CDH12: variants seen among roughly 807,000 people sequenced by gnomAD.
CDH12 encodes cadherin 12, also known as cadherin-12.
CDH12 carries 41 observed loss-of-function variants against 74.1 expected under a neutral mutation model. That is an observed-to-expected ratio of 0.55 (90% confidence interval 0.43 to 0.72). The LOEUF is 0.72. CDH12 is among the 30% of genes least tolerant of loss of function. The pLI is 0.00. For missense variants in CDH12, 945 were observed against 977.2 expected, an observed-to-expected ratio of 0.97 and a Z score of 0.44; for synonymous variants, 399 against 355.0, an observed-to-expected ratio of 1.12 and a Z score of -1.39.
intron 4 of CDH12, among the ~76,000 whole-genome samples, chr5:22,113,064 T>C (rs1744903216): frequency 6.6e-6 from 1 of 152,152 alleles, no homozygotes; most frequent in Non-Finnish European, 1.5e-5. Flanking sequence ...CAAAGGGGCC[T>C]GGGGAGTCAT....
intron 4 of CDH12, among the ~76,000 whole-genome samples, chr5:22,211,692 T>C (rs1425734823): frequency 6.6e-6 from 1 of 151,916 alleles, no homozygotes; most frequent in African/African-American, 2.4e-5. Context: ...CCTGGATAAT[T>C]GCCCTAAATG....
intron 1 of CDH12, among the ~76,000 whole-genome samples, chr5:22,805,321 T>A (rs1183490112): frequency 1.3e-5 from 2 of 152,072 alleles, no homozygotes; most frequent in Non-Finnish European, 2.9e-5. Context: ...GTGGCTGAAC[T>A]CCACCACCAG....
At chr5:22,253,249 G>A (rs2150388774) in intron 3 of CDH12, among the ~76,000 whole-genome samples, 1 of 151,978 alleles carries the variant, frequency 6.6e-6, no homozygotes, top group South Asian at 2.1e-4. Flanking sequence ...ATTATTTGAT[G>A]TTCAAGGTAC....
intron 5 of CDH12, among the ~76,000 whole-genome samples, chr5:22,009,847 G>A (rs1216685032): frequency 1.0e-4 from 15 of 149,716 alleles, no homozygotes; most frequent in Non-Finnish European, 1.5e-4. Context: ...GCGTGGTGGC[G>A]GTTGCCTGTA....
intron 4 of CDH12, among the ~76,000 whole-genome samples, chr5:22,190,477 T>A (rs970126195): frequency 6.6e-6 from 1 of 152,128 alleles, no homozygotes; most frequent in African/African-American, 2.4e-5. Context: ...ACCTATATTT[T>A]AAAATGAGTG....
chr5:22,173,062 C>A (rs1478432384), intron 4 of CDH12, among the ~76,000 whole-genome samples: 3 of 151,322 alleles, frequency 2.0e-5, no homozygotes, highest in Non-Finnish European at 4.4e-5. Flanking sequence ...ACAAAACAAA[C>A]TTTATCAAAC....
At chr5:22,832,993 T>G (rs1581045634) in intron 1 of CDH12, among the ~76,000 whole-genome samples, 1 of 152,196 alleles carries the variant, frequency 6.6e-6, no homozygotes, top group East Asian at 1.9e-4. Context: ...ATTCAAAATT[T>G]TCTCTTAAAA....
At chr5:21,808,356 A>ATTTT (rs1747553187) in intron 9 of CDH12, among the ~76,000 whole-genome samples, 1 of 151,694 alleles carries the variant, frequency 6.6e-6, no homozygotes, top group Non-Finnish European at 1.5e-5. Flanking sequence ...TATTACTTCA[A>ATTTT]TTTTTATAGT....
At chr5:22,585,393 C>T (rs1034269295) in intron 1 of CDH12, among the ~76,000 whole-genome samples, 8 of 152,098 alleles carry the variant, frequency 5.3e-5, no homozygotes, top group Admixed American at 1.3e-4. Flanking sequence ...TTTACCTATA[C>T]TGTTTGAGAT....
At chr5:22,817,856 G>T (rs1187741196) in intron 1 of CDH12, among the ~76,000 whole-genome samples, 1 of 152,090 alleles carries the variant, frequency 6.6e-6, no homozygotes, top group Admixed American at 6.6e-5. Flanking sequence ...GAATTGTAAA[G>T]TATAAATTTG....
intron 3 of CDH12, among the ~76,000 whole-genome samples, chr5:22,307,299 C>A (rs1366739682): frequency 1.3e-5 from 2 of 152,156 alleles, no homozygotes; most frequent in African/African-American, 4.8e-5. Flanking sequence ...CCAAAATTTA[C>A]TAAAAGAATT....
At position 21,781,722 on chromosome 5, in the gene CDH12, C is replaced by CT. The variant is rs1286921310; in HGVS notation, c.1393+1635dup. On this transcript the variant is annotated intron_variant, in intron 11 of 14. Coordinates refer to ENST00000382254, the MANE Select transcript of CDH12 (RefSeq NM_004061.5). ...CTAGGTGACAGAGTGAGACTATTAT[C>CT]TCAAAAAAAAAAAAAGTGGCAACCA... Among the ~76,000 whole-genome samples, 5 of 82,780 alleles carry CT rather than the reference C, an allele frequency of 6.0e-5. No homozygotes were observed. The East Asian group carries it at 1.5e-3, about 25-fold the overall frequency. The allele number at this position is 82,780 out of a possible 152,430, so 54.3% of individuals were successfully genotyped here.
chr5:22,159,552 T>C (rs1748207524), intron 4 of CDH12, among the ~76,000 whole-genome samples: 1 of 152,206 alleles, frequency 6.6e-6, no homozygotes, highest in South Asian at 2.1e-4. Flanking sequence ...CTGTTTGACT[T>C]AATCGCTGCT....
intron 1 of CDH12, among the ~76,000 whole-genome samples, chr5:22,718,492 A>G (rs2126985601): frequency 6.6e-6 from 1 of 152,344 alleles, no homozygotes; most frequent in East Asian, 1.9e-4. Flanking sequence ...AAGTAAAGGT[A>G]TTAGAAATAT....
intron 3 of CDH12, among the ~76,000 whole-genome samples, chr5:22,232,249 C>T (rs1752410063): frequency 1.3e-5 from 2 of 151,736 alleles, no homozygotes; most frequent in Admixed American, 6.6e-5. Context: ...GAAAACCCCT[C>T]CTAAAAATTT....
intron 4 of CDH12, among the ~76,000 whole-genome samples, chr5:22,186,004 G>A (rs972476547): frequency 6.6e-6 from 1 of 152,106 alleles, no homozygotes; most frequent in African/African-American, 2.4e-5. Context: ...AGAAATACTT[G>A]AGTCATTCAT....
chr5:22,752,634 A>C lies in CDH12; in HGVS notation c.-523+100424T>G, dbSNP rs4591708. On this transcript the variant is annotated intron_variant, in intron 1 of 14. Coordinates refer to ENST00000382254, the MANE Select transcript of CDH12 (RefSeq NM_004061.5). ...TCGCCCAGTCTGGAGTGCAGTGGCG[A>C]GATCTCCTCTCACTGCAAGCTCCGC... is the stretch of plus-strand genomic sequence containing the variant. Among the ~76,000 whole-genome samples the C allele has an allele frequency of 8.1e-4, 14 of 17,330 alleles. 4 individuals carry two copies. Among genetic ancestry groups the C allele is most frequent in the Admixed American group, 1.7e-3 (3 of 1,720 alleles). The allele number at this position is 17,330 out of a possible 152,430, so 11.4% of individuals were successfully genotyped here.
At chr5:22,023,074 A>T (rs1029864124) in intron 5 of CDH12, among the ~76,000 whole-genome samples, 1 of 152,154 alleles carries the variant, frequency 6.6e-6, no homozygotes, top group African/African-American at 2.4e-5. Flanking sequence ...TATTTACTGT[A>T]GCATCCAAAT....
intron 4 of CDH12, among the ~76,000 whole-genome samples, chr5:22,106,004 C>T (rs1386301051): frequency 2.0e-5 from 3 of 152,012 alleles, no homozygotes; most frequent in African/African-American, 2.4e-5. Context: ...GGTATATGTC[C>T]TATGATTGGT....
Sources: gnomAD v4.1 joint callset for allele counts (sites outside exome capture counted in the v4.1 genomes callset) on GRCh38, gnomAD v4.1.1 for gene constraint, MANE v1.5 for transcripts, NCBI Gene and HGNC (gene_info 2026-07-23, HGNC 2026-07-21) for gene names.